PUDP: variants seen among roughly 807,000 people sequenced by gnomAD.
The protein encoded by PUDP is pseudouridine 5'-phosphatase, also known as pseudouridine-5'-phosphatase.
A neutral mutation model predicts 9.4 loss-of-function variants in PUDP; 8 were observed. The ratio of observed to expected loss-of-function variants is 0.85; its 90% confidence interval spans 0.50 to 1.53. The LOEUF is 1.53. Ranked by LOEUF, PUDP falls within the 40% of genes most tolerant of loss-of-function variation. The pLI, the probability that PUDP is intolerant of heterozygous loss-of-function variation, is 0.00. For missense variants in PUDP, 188 were observed against 189.7 expected (o/e 0.99, Z 0.05); for synonymous variants, 99 against 80.7 (o/e 1.23, Z -1.22).
chrX:6,946,971 G>GTTT (rs58707505), intron 3 of PUDP, among the ~76,000 whole-genome samples: 1 of 82,724 alleles, frequency 1.2e-5, no homozygotes, highest in African/African-American at 4.1e-5. Context: ...TATATTGTCT[G>GTTT]TTTTTTTTTG....
At chrX:7,059,935 A>G (rs1802839338) in intron 3 of PUDP, among the ~76,000 whole-genome samples, 1 of 112,386 alleles carries the variant, frequency 8.9e-6, no homozygotes, top group African/African-American at 3.2e-5. Context: ...TGATAAACAC[A>G]GAGAAAAAAG....
chrX:7,116,702 CATTGGTCAGTAATAGAGTTT>C (rs1323949257), intron 1 of PUDP, among the ~76,000 whole-genome samples: 1 of 112,095 alleles, frequency 8.9e-6, no homozygotes, highest in Non-Finnish European at 1.9e-5. Context: ...GGAGAAACTG[CATTGGTCAGTAATAGAGTTT>C]ATATATTTAT....
chrX:6,952,676 T>C (rs751051642), intron 3 of PUDP, among the ~76,000 whole-genome samples: 1 of 111,456 alleles, frequency 9.0e-6, no homozygotes, highest in Admixed American at 9.5e-5. Flanking sequence ...GATTAGATCA[T>C]GAGGGTGGAG....
At chrX:6,789,204 C>T (rs1238989753) in intron 3 of PUDP, among the ~76,000 whole-genome samples, 3 of 110,410 alleles carry the variant, frequency 2.7e-5, no homozygotes, top group South Asian at 7.8e-4. Context: ...GCAGGAGAAT[C>T]GCTTGAACCC....
At chrX:7,075,487 A>G (rs1248435143) in intron 3 of PUDP, among the ~76,000 whole-genome samples, 1 of 105,656 alleles carries the variant, frequency 9.5e-6, no homozygotes, top group Non-Finnish European at 2.0e-5. Flanking sequence ...CCTGGGCAAC[A>G]GAACGAGACT....
At chrX:6,910,974 G>A (rs898722490) in intron 3 of PUDP, among the ~76,000 whole-genome samples, 3 of 111,466 alleles carry the variant, frequency 2.7e-5, no homozygotes, top group Non-Finnish European at 1.9e-5. Flanking sequence ...ATAAGAGCTG[G>A]CTGCAAAGCA....
At chrX:6,900,592 A>C (rs867241961) in intron 3 of PUDP, among the ~76,000 whole-genome samples, 1 of 72,855 alleles carries the variant, frequency 1.4e-5, no homozygotes, top group African/African-American at 4.7e-5. Flanking sequence ...AGGGAGAGAA[A>C]GAGAGAGAGA....
chrX:7,015,832 C>T (rs1929539626), intron 1 of PUDP, among the ~76,000 whole-genome samples: 1 of 110,746 alleles, frequency 9.0e-6, no homozygotes, highest in East Asian at 2.9e-4. Flanking sequence ...CTGCCTTGGC[C>T]TCCCAAAGTG....
chrX:7,105,088 T>A (rs1931841621), intron 2 of PUDP, among the ~76,000 whole-genome samples: 1 of 111,475 alleles, frequency 9.0e-6, no homozygotes. Flanking sequence ...CAAAGTTGTT[T>A]TTCCTTTCCG....
chrX:6,921,432 T>C (rs1314204863), intron 3 of PUDP, among the ~76,000 whole-genome samples: 2 of 111,074 alleles, frequency 1.8e-5, no homozygotes, highest in Non-Finnish European at 3.8e-5. Context: ...CTCATTGTTG[T>C]TGGTGTCTTT....
chrX:7,137,202 T>C (rs201993289), intron 1 of PUDP, among the ~76,000 whole-genome samples: 5 of 92,301 alleles, frequency 5.4e-5, no homozygotes, highest in South Asian at 5.7e-4. Context: ...GATCGCGCCA[T>C]TGCACTCCAG....
intron 3 of PUDP, among the ~76,000 whole-genome samples, chrX:6,841,751 G>A (rs1022251320): frequency 4.5e-5 from 5 of 112,090 alleles, no homozygotes; most frequent in Admixed American, 2.8e-4. Context: ...ATCAACTTCC[G>A]GGTCAAATTT....
intron 3 of PUDP, among the ~76,000 whole-genome samples, chrX:6,898,512 C>T (rs953960144): frequency 3.6e-5 from 4 of 111,969 alleles, no homozygotes; most frequent in East Asian, 5.6e-4. Context: ...GCTTATCCAA[C>T]GAGGTGACTC....
chrX:6,837,933 C>T (rs1926608797), intron 3 of PUDP, among the ~76,000 whole-genome samples: 1 of 109,368 alleles, frequency 9.1e-6, no homozygotes, highest in South Asian at 3.8e-4. Context: ...AGTGCCATAA[C>T]TTGTAATTAT....
chrX:6,802,872 C>T (rs944321909), intron 3 of PUDP, among the ~76,000 whole-genome samples: 1 of 100,483 alleles, frequency 1.0e-5, no homozygotes, highest in South Asian at 4.7e-4. Context: ...GCAACAAGAG[C>T]GAGACTTTTT....
intron 3 of PUDP, among the ~76,000 whole-genome samples, chrX:6,899,927 A>C (rs1339297468): frequency 9.0e-6 from 1 of 111,597 alleles, no homozygotes; most frequent in Non-Finnish European, 1.9e-5. Flanking sequence ...TTAATATCTT[A>C]AGATATTAGG....
intron 3 of PUDP, among the ~76,000 whole-genome samples, chrX:7,058,836 C>A (rs1930319615): frequency 9.0e-6 from 1 of 111,279 alleles, no homozygotes; most frequent in Non-Finnish European, 1.9e-5. Flanking sequence ...TCTATCCATC[C>A]CTCCCTTCCT....
intron 3 of PUDP, among the ~76,000 whole-genome samples, chrX:6,900,328 G>GT (rs1555915671): frequency 3.2e-5 from 2 of 63,143 alleles, no homozygotes; most frequent in East Asian, 4.3e-4. Context: ...TCACCACTTG[G>GT]GGGGGGGGGC....
At chrX:6,806,731 C>T (rs1926055962) in intron 3 of PUDP, among the ~76,000 whole-genome samples, 1 of 111,795 alleles carries the variant, frequency 8.9e-6, no homozygotes, top group African/African-American at 3.3e-5. Context: ...AGATCCATGA[C>T]CCTGTATTTC....
Sources: gnomAD v4.1 joint callset for allele counts (sites outside exome capture counted in the v4.1 genomes callset) on GRCh38, gnomAD v4.1.1 for gene constraint, MANE v1.5 for transcripts, NCBI Gene and HGNC (gene_info 2026-07-23, HGNC 2026-07-21) for gene names.